Variants in SHISA6 observed in about 807,000 individuals in gnomAD.
SHISA6 encodes protein shisa-6.
Under a neutral mutation model 47.9 loss-of-function variants are expected in SHISA6, and 22 were observed. The observed-to-expected ratio is 0.46, with a 90% CI of 0.33 to 0.66. The LOEUF (loss-of-function observed/expected upper bound fraction) is 0.66. SHISA6 is among the 30% of genes least tolerant of loss of function. The pLI is 0.02. For missense variants in SHISA6, 680 were observed against 764.6 expected (o/e 0.89, Z 1.30); for synonymous variants, 388 against 337.8 (o/e 1.15, Z -1.63).
intron 1 of SHISA6, among the ~76,000 whole-genome samples, chr17:11,258,907 T>G (rs1249469126): frequency 6.6e-6 from 1 of 152,098 alleles, no homozygotes; most frequent in Non-Finnish European, 1.5e-5. Flanking sequence ...ACATAGTAGG[T>G]GAAGAAGACA....
chr17:11,452,606 T>G (rs987177127), intron 3 of SHISA6, among the ~76,000 whole-genome samples: 7 of 151,922 alleles, frequency 4.6e-5, no homozygotes, highest in African/African-American at 1.7e-4. Context: ...ATTCCTTCCT[T>G]CTTGTCCACT....
chr17:11,367,234 G>T (rs938379783), intron 2 of SHISA6, among the ~76,000 whole-genome samples: 1 of 152,150 alleles, frequency 6.6e-6, no homozygotes, highest in African/African-American at 2.4e-5. Context: ...GCCCATTGAG[G>T]GAGAGAAATT....
At chr17:11,265,503 C>T (rs1908392604) in intron 2 of SHISA6, among the ~76,000 whole-genome samples, 1 of 152,124 alleles carries the variant, frequency 6.6e-6, no homozygotes, top group South Asian at 2.1e-4. Context: ...AGTCACTGGG[C>T]TGTGGGAGTT....
chr17:11,308,262 G>A (rs114592207), intron 2 of SHISA6, among the ~76,000 whole-genome samples: 111 of 152,306 alleles, frequency 7.3e-4, no homozygotes, highest in African/African-American at 2.4e-3. Flanking sequence ...CATGTAACAG[G>A]CAGAAATGCC....
At position 11,412,962 on chromosome 17, in the gene SHISA6, G is replaced by C. The variant is rs139196778; in HGVS notation, c.895+33453G>C. ...GAAGTCACTTTCTAACATTAGTGAA[G>C]AGGCTGCATTGTAATGAGGATCCTG... On this transcript the variant is annotated intron_variant, in intron 3 of 5. Coordinates refer to ENST00000441885, the MANE Select transcript of SHISA6 (RefSeq NM_207386.4). Among the ~76,000 whole-genome samples, 44 of 152,302 alleles carry C rather than the reference G, an allele frequency of 2.9e-4. No homozygotes were observed. The East Asian group carries it at 7.9e-3, about 27-fold the overall frequency.
intron 2 of SHISA6, among the ~76,000 whole-genome samples, chr17:11,301,715 G>A (rs1266554065): frequency 1.3e-5 from 2 of 152,170 alleles, no homozygotes; most frequent in Non-Finnish European, 2.9e-5. Flanking sequence ...GGATCCCCAA[G>A]TCAATGTCAT....
intron 3 of SHISA6, among the ~76,000 whole-genome samples, chr17:11,500,496 A>G (rs2071442266): frequency 6.6e-6 from 1 of 152,144 alleles, no homozygotes; most frequent in Non-Finnish European, 1.5e-5. Flanking sequence ...GAGGAAACTG[A>G]GGCGCAGGAG....
At chr17:11,439,407 G>C (rs556966419) in intron 3 of SHISA6, among the ~76,000 whole-genome samples, 2 of 152,262 alleles carry the variant, frequency 1.3e-5, no homozygotes, top group East Asian at 1.9e-4. Context: ...TGCTCAGATA[G>C]TAACATTGGA....
intron 1 of SHISA6, among the ~76,000 whole-genome samples, chr17:11,261,279 C>A (rs533789524): frequency 6.6e-6 from 1 of 152,332 alleles, no homozygotes; most frequent in African/African-American, 2.4e-5. Flanking sequence ...AGGAGCATTT[C>A]CATAGCTGCC....
intron 3 of SHISA6, among the ~76,000 whole-genome samples, chr17:11,513,130 A>G (rs147920218): frequency 6.6e-6 from 1 of 151,610 alleles, no homozygotes; most frequent in Non-Finnish European, 1.5e-5. Flanking sequence ...TATTTTCTTT[A>G]TTTATGATAT....
At chr17:11,276,020 A>G (rs111884876) in intron 2 of SHISA6, among the ~76,000 whole-genome samples, 10,204 of 151,790 alleles carry the variant, frequency 0.067, 389 homozygotes, top group Middle Eastern at 0.095. Flanking sequence ...GTGTCACCCA[A>G]GTTGGAGTGT....
intron 1 of SHISA6, among the ~76,000 whole-genome samples, chr17:11,250,973 T>C (rs1260967030): frequency 1.3e-5 from 2 of 152,084 alleles, no homozygotes; most frequent in Non-Finnish European, 1.5e-5. Flanking sequence ...ACCTGCATTA[T>C]CTCGCTGCAT....
chr17:11,505,843 T>C (rs2071494275), intron 3 of SHISA6, among the ~76,000 whole-genome samples: 1 of 152,172 alleles, frequency 6.6e-6, no homozygotes, highest in South Asian at 2.1e-4. Flanking sequence ...GATAAAACCC[T>C]GCCATTCAAA....
intron 2 of SHISA6, among the ~76,000 whole-genome samples, chr17:11,273,002 C>T (rs1034245541): frequency 4.6e-5 from 7 of 152,148 alleles, no homozygotes; most frequent in East Asian, 3.9e-4. Flanking sequence ...GAGAGTGATA[C>T]GGCTCCCAGG....
intron 3 of SHISA6, among the ~76,000 whole-genome samples, chr17:11,511,119 A>G (rs111859084): frequency 0.061 from 9,221 of 152,220 alleles, 301 homozygotes; most frequent in Middle Eastern, 0.099. Context: ...AAAAGAATGA[A>G]TTCATGTCCT....
intron 3 of SHISA6, among the ~76,000 whole-genome samples, chr17:11,548,619 T>C (rs561740345): frequency 6.6e-6 from 1 of 152,248 alleles, no homozygotes; most frequent in South Asian, 2.1e-4. Context: ...TGTGTTGACT[T>C]AGAAATGCTG....
At chr17:11,441,346 A>T (rs1915088464) in intron 3 of SHISA6, among the ~76,000 whole-genome samples, 3 of 152,210 alleles carry the variant, frequency 2.0e-5, no homozygotes, top group African/African-American at 7.2e-5. Context: ...TTAAGGTGAG[A>T]CTGGACATTC....
chr17:11,466,361 C>T (rs896484962), intron 3 of SHISA6, among the ~76,000 whole-genome samples: 9 of 152,084 alleles, frequency 5.9e-5, no homozygotes, highest in Non-Finnish European at 1.2e-4. Flanking sequence ...AAGCAGGATG[C>T]GATAGCTTGA....
At chr17:11,485,655 G>A (rs189796093) in intron 3 of SHISA6, among the ~76,000 whole-genome samples, 5 of 147,716 alleles carry the variant, frequency 3.4e-5, no homozygotes, top group East Asian at 2.0e-4. Flanking sequence ...CACGACCTAC[G>A]AGAACATGAG....
Sources: gnomAD v4.1 joint callset for allele counts (sites outside exome capture counted in the v4.1 genomes callset) on GRCh38, gnomAD v4.1.1 for gene constraint, MANE v1.5 for transcripts, NCBI Gene and HGNC (gene_info 2026-07-23, HGNC 2026-07-21) for gene names.